Variants in SLC39A14 observed in about 807,000 individuals in gnomAD.
The protein encoded by SLC39A14 is metal cation symporter ZIP14.
A neutral mutation model predicts 45.5 loss-of-function variants in SLC39A14; 19 were observed. The ratio of observed to expected loss-of-function variants is 0.42; its 90% confidence interval spans 0.29 to 0.61. The LOEUF is 0.61. SLC39A14 is among the 20% of genes least tolerant of loss of function. The pLI is 0.22. For missense variants in SLC39A14, 447 were observed against 616.5 expected (o/e 0.73, Z 2.91); for synonymous variants, 264 against 251.3 (o/e 1.05, Z -0.48).
intron 8 of SLC39A14, among the ~76,000 whole-genome samples, chr8:22,427,931 G>C (rs537999864): frequency 1.3e-5 from 2 of 152,202 alleles, no homozygotes; most frequent in Non-Finnish European, 2.9e-5. Context: ...TGCATTGGGA[G>C]ATTGAGACAG....
intron 5 of SLC39A14, 103 bp downstream of exon 5, chr8:22,415,005 T>C: frequency 7.4e-7 from 1 of 1,342,314 alleles, no homozygotes; most frequent in Non-Finnish European, 1.0e-6. Context: ...TAGCCCAATA[T>C]CACAATTTCC....
At chr8:22,415,127 A>G in intron 5 of SLC39A14, 1 of 532,206 alleles carries the variant, frequency 1.9e-6, no homozygotes, top group South Asian at 2.4e-5. Flanking sequence ...TCTACTAAGC[A>G]GTAGTTTATC....
chr8:22,402,785 A>T (rs75398203), intron 1 of SLC39A14, among the ~76,000 whole-genome samples: 1 of 148,168 alleles, frequency 6.7e-6, no homozygotes, highest in African/African-American at 2.4e-5. Flanking sequence ...AAAAAAAAAA[A>T]ATGTTGCTAT....
In SLC39A14 at chr8:22,419,766, T is replaced by TA. The variant is rs780216648; in HGVS notation, c.*69dup. 1.9e-4 allele frequency: 290 copies of TA among 1,508,252 alleles called. No individual in the cohort carries two copies. The highest frequency in any genetic ancestry group is 2.4e-4 in the Non-Finnish European group (277 of 1,130,764). 93.4% of individuals were successfully genotyped at this position (1,508,252 alleles called of 1,614,324 possible). On this transcript the variant is annotated 3_prime_UTR_variant, in exon 9 of 9. Coordinates refer to ENST00000381237, the MANE Select transcript of SLC39A14 (RefSeq NM_001128431.4). The stretch of plus-strand genomic sequence containing the variant: ...CTGCCCGATCGCCAGCCCGAGGACT[T>TA]ACCATCCACAATGCACCACGGAAGA...
At chr8:22,410,961 C>T (rs1023678490) in intron 3 of SLC39A14, among the ~76,000 whole-genome samples, 14 of 152,308 alleles carry the variant, frequency 9.2e-5, no homozygotes, top group Middle Eastern at 3.4e-3. Flanking sequence ...CTCAGGCTTT[C>T]CCAGTCAAAA....
intron 2 of SLC39A14, among the ~76,000 whole-genome samples, chr8:22,406,630 C>T (rs1008046281): frequency 6.6e-5 from 10 of 152,056 alleles, no homozygotes; most frequent in African/African-American, 1.7e-4. Flanking sequence ...AGGCAGAGGT[C>T]GCAGTGAGCG....
In SLC39A14 at chr8:22,415,785, G is replaced by A. The variant is rs371558357; in HGVS notation, c.767G>A (p.Ser256Asn). ...CCCTTCCAGCATCATCATGGACACAGCCATTATGCCTCTGAGTCGCTTCCC... is the reference window on the plus strand; with the variant it reads ...CCCTTCCAGCATCATCATGGACACAACCATTATGCCTCTGAGTCGCTTCCC... The part of the protein sequence containing the change: ...KQKNEHHHGH[S>N]HYASESLPSK... The change falls in exon 6 of 9, where the codon AGC (serine) becomes AAC (asparagine). Residue 256 changes from serine (S) to asparagine (N), a missense_variant. Physicochemically the swap from Ser to Asn is conservative, Grantham distance 46. Around this residue, in one of 2 missense-constraint regions of SLC39A14, gnomAD observed 342 missense variants for 428.1 expected, o/e 0.80. Coordinates refer to ENST00000381237, the MANE Select transcript of SLC39A14 (RefSeq NM_001128431.4). 3.1e-6 allele frequency: 5 copies of A among 1,612,256 alleles called. No homozygotes were observed. In the African/African-American group the frequency reaches 6.7e-5, roughly 22 times the overall value.
intron 1 of SLC39A14, among the ~76,000 whole-genome samples, chr8:22,395,590 A>G (rs758715978): frequency 1.7e-4 from 26 of 152,094 alleles, no homozygotes; most frequent in Non-Finnish European, 3.4e-4. Flanking sequence ...TTTGTTCTGT[A>G]TTTGTCATAA....
At chr8:22,387,700 C>G (rs2132226874) in intron 1 of SLC39A14, among the ~76,000 whole-genome samples, 1 of 152,306 alleles carries the variant, frequency 6.6e-6, no homozygotes, top group East Asian at 1.9e-4. Context: ...AGCCAGAAGC[C>G]TCTGTCCTGG....
At chr8:22,368,224 C>T (rs896850194) in intron 1 of SLC39A14, among the ~76,000 whole-genome samples, 1 of 152,100 alleles carries the variant, frequency 6.6e-6, no homozygotes, top group Non-Finnish European at 1.5e-5. Flanking sequence ...CGAATGGAAG[C>T]GTGGGGTTAG....
At chr8:22,418,965 G>A in intron 8 of SLC39A14, among the ~76,000 whole-genome samples, 1 of 152,016 alleles carries the variant, frequency 6.6e-6, no homozygotes, top group East Asian at 1.9e-4. Flanking sequence ...GGAGTTTGAG[G>A]CTGCAGTGAG....
chr8:22,379,927 C>CA lies in SLC39A14; in HGVS notation c.-16+12539dup, dbSNP rs35093772. On this transcript the variant is annotated intron_variant, in intron 1 of 8. Coordinates refer to ENST00000381237, the MANE Select transcript of SLC39A14 (RefSeq NM_001128431.4). ...CTGGCGACAGAGTGAGACTCCATCT[C>CA]AAAAAAAAAAAAAAAAAAAAGAAAA... Among the ~76,000 whole-genome samples the CA allele has an allele frequency of 4.3e-3, 379 of 87,612 alleles. 3 individuals are homozygous for CA. Among genetic ancestry groups the CA allele is most frequent in the African/African-American group, 8.4e-3 (205 of 24,546 alleles). 57.5% of individuals were successfully genotyped at this position (87,612 alleles called of 152,430 possible).
intron 1 of SLC39A14, among the ~76,000 whole-genome samples, chr8:22,379,927 CAAAAAAAAAAA>C (rs35093772): frequency 1.1e-5 from 1 of 87,960 alleles, no homozygotes; most frequent in African/African-American, 4.1e-5. Context: ...GACTCCATCT[CAAAAAAAAAAA>C]AAAAAAAAAG....
At chr8:22,388,572 G>T (rs1463640647) in intron 1 of SLC39A14, among the ~76,000 whole-genome samples, 2 of 151,986 alleles carry the variant, frequency 1.3e-5, no homozygotes, top group Non-Finnish European at 2.9e-5. Context: ...GTGATGAAGT[G>T]GGGGCAGGAG....
At chr8:22,397,306 C>T (rs1252119772) in intron 1 of SLC39A14, among the ~76,000 whole-genome samples, 1 of 152,078 alleles carries the variant, frequency 6.6e-6, no homozygotes, top group Non-Finnish European at 1.5e-5. Context: ...TGGCCGGGCG[C>T]GGTGGCTCAC....
chr8:22,392,455 G>A (rs1325174927), intron 1 of SLC39A14, among the ~76,000 whole-genome samples: 3 of 152,072 alleles, frequency 2.0e-5, no homozygotes, highest in South Asian at 2.1e-4. Flanking sequence ...ATCTGATCCC[G>A]AATAACAAGC....
chr8:22,409,809 C>T (rs769098506), intron 3 of SLC39A14: 23 of 829,388 alleles, frequency 2.8e-5, no homozygotes, highest in Non-Finnish European at 4.3e-5. Context: ...GAGATGGACT[C>T]AGCAAATGTT....
In SLC39A14 at chr8:22,421,190, T is replaced by C. The variant is rs1836207761; in HGVS notation, c.*1492T>C. 2.0e-6 allele frequency: 2 copies of C among 985,838 alleles called. No individual in the cohort carries two copies. Among genetic ancestry groups the C allele is most frequent in the Non-Finnish European group, 1.2e-6 (1 of 829,928 alleles). The allele number at this position is 985,838 out of a possible 1,614,324, so 61.1% of individuals were successfully genotyped here. ...GAGCCCAGGGGCCATGTTTGCAAAC[T>C]GATTCATGTGCATGGCTGACAGGAG... On this transcript the variant is annotated 3_prime_UTR_variant, in exon 9 of 9. Transcript: ENST00000381237.
chr8:22,402,316 C>T (rs1053347029), intron 1 of SLC39A14, among the ~76,000 whole-genome samples: 4 of 151,418 alleles, frequency 2.6e-5, no homozygotes, highest in African/African-American at 7.3e-5. Context: ...ACCCAGGAGG[C>T]GGAGCTTGCA....
Sources: allele counts gnomAD v4.1 joint callset (sites outside exome capture counted in the v4.1 genomes callset), GRCh38; gene constraint gnomAD v4.1.1; regional missense constraint gnomAD v4.1.1; transcripts MANE v1.5; gene names NCBI Gene and HGNC (gene_info 2026-07-23, HGNC 2026-07-21).